Variants in MAGI2 observed in about 807,000 individuals in gnomAD.
MAGI2 encodes the protein membrane associated guanylate kinase, WW and PDZ domain containing 2.
MAGI2 carries 35 observed loss-of-function variants against 133.3 expected under a neutral mutation model. The ratio of observed to expected loss-of-function variants is 0.26; its 90% CI spans 0.20 to 0.35. The LOEUF (loss-of-function observed/expected upper bound fraction) is 0.35. MAGI2 is among the 10% of genes least tolerant of loss of function. The pLI, the probability that MAGI2 is intolerant of heterozygous loss-of-function variation, is 1.00. For missense variants in MAGI2, 1,636 were observed against 1,863.4 expected, an observed-to-expected ratio of 0.88 and a Z score of 2.25; for synonymous variants, 729 against 710.6, an observed-to-expected ratio of 1.03 and a Z score of -0.41.
At chr7:79,194,048 C>T (rs1010724602) in intron 1 of MAGI2, among the ~76,000 whole-genome samples, 26 of 151,904 alleles carry the variant, frequency 1.7e-4, no homozygotes, top group African/African-American at 6.1e-4. Context: ...AAGGTCATTT[C>T]TTAACTAGTA....
chr7:78,954,467 T>C (rs959919432), intron 2 of MAGI2, among the ~76,000 whole-genome samples: 1 of 152,106 alleles, frequency 6.6e-6, no homozygotes, highest in African/African-American at 2.4e-5. Flanking sequence ...ACAAGGTAAG[T>C]CATACACTAA....
At chr7:78,484,077 A>C (rs896284138) in intron 6 of MAGI2, 2 of 151,950 alleles carry the variant, frequency 1.3e-5, no homozygotes, top group African/African-American at 4.8e-5. Flanking sequence ...AGAAAGGCCA[A>C]AGCTCCTATT....
chr7:78,593,476 G>A (rs1013072068), intron 3 of MAGI2, among the ~76,000 whole-genome samples: 2 of 152,188 alleles, frequency 1.3e-5, no homozygotes, highest in Non-Finnish European at 2.9e-5. Flanking sequence ...GGGTCTGGTG[G>A]CAGTAGTGGA....
intron 2 of MAGI2, among the ~76,000 whole-genome samples, chr7:78,852,530 T>G (rs1793234076): frequency 6.6e-6 from 1 of 152,164 alleles, no homozygotes; most frequent in South Asian, 2.1e-4. Flanking sequence ...AAGAATTTGA[T>G]TCACCTGGAA....
intron 6 of MAGI2, among the ~76,000 whole-genome samples, chr7:78,421,511 A>G (rs1366571685): frequency 1.3e-5 from 2 of 152,206 alleles, no homozygotes; most frequent in African/African-American, 4.8e-5. Context: ...AAAAATAACA[A>G]TGATAGACAA....
At chr7:78,083,656 G>A (rs190486129) in intron 20 of MAGI2, among the ~76,000 whole-genome samples, 1 of 152,312 alleles carries the variant, frequency 6.6e-6, no homozygotes, top group African/African-American at 2.4e-5. Context: ...AAGGCGGAGC[G>A]GGATAACTGC....
chr7:78,218,602 C>G (rs917024986), intron 10 of MAGI2, among the ~76,000 whole-genome samples: 1 of 152,164 alleles, frequency 6.6e-6, no homozygotes, highest in East Asian at 1.9e-4. Context: ...AGTCACTTAA[C>G]AAAGAAGCCT....
At chr7:78,186,829 C>T (rs1333876931) in intron 12 of MAGI2, among the ~76,000 whole-genome samples, 2 of 152,058 alleles carry the variant, frequency 1.3e-5, no homozygotes, top group East Asian at 1.9e-4. Context: ...ATAAATAATA[C>T]ACTCTTTTCT....
chr7:78,444,152 C>T (rs7803973), intron 6 of MAGI2, among the ~76,000 whole-genome samples: 115,169 of 151,980 alleles, frequency 0.76, 44,326 homozygotes, highest in East Asian at 0.89. Context: ...GAACGGGAAC[C>T]TTCAGTAAAC....
intron 20 of MAGI2, among the ~76,000 whole-genome samples, chr7:78,107,357 T>C (rs759356675): frequency 1.3e-5 from 2 of 152,188 alleles, no homozygotes; most frequent in Non-Finnish European, 2.9e-5. Context: ...AGTATAAATA[T>C]AGAATTTTTT....
At chr7:79,201,694 A>G (rs1390916640) in intron 1 of MAGI2, among the ~76,000 whole-genome samples, 1 of 151,870 alleles carries the variant, frequency 6.6e-6, no homozygotes, top group Non-Finnish European at 1.5e-5. Flanking sequence ...TGTGCTCAGA[A>G]AAACTCCCTT....
intron 7 of MAGI2, among the ~76,000 whole-genome samples, chr7:78,363,455 T>C (rs892406660): frequency 3.3e-5 from 5 of 150,306 alleles, no homozygotes; most frequent in Non-Finnish European, 7.4e-5. Flanking sequence ...ATCGCGCCAC[T>C]GCACTCCAGC....
chr7:78,212,394 C>G (rs533769882), intron 10 of MAGI2, among the ~76,000 whole-genome samples: 1 of 152,150 alleles, frequency 6.6e-6, no homozygotes, highest in African/African-American at 2.4e-5. Context: ...AGAGAGGAAA[C>G]GTTCCTGGCT....
At chr7:79,113,984 T>C (rs1819171276) in intron 1 of MAGI2, among the ~76,000 whole-genome samples, 1 of 152,228 alleles carries the variant, frequency 6.6e-6, no homozygotes, top group African/African-American at 2.4e-5. Flanking sequence ...TTTTCTAATG[T>C]GTAATGTTCA....
chr7:79,241,171 G>C (rs895635180), intron 1 of MAGI2, among the ~76,000 whole-genome samples: 1 of 152,156 alleles, frequency 6.6e-6, no homozygotes, highest in Non-Finnish European at 1.5e-5. Flanking sequence ...TGATGATGGA[G>C]TGAACAGGAG....
At chr7:79,210,397 A>T (rs1829408914) in intron 1 of MAGI2, among the ~76,000 whole-genome samples, 1 of 152,064 alleles carries the variant, frequency 6.6e-6, no homozygotes, top group South Asian at 2.1e-4. Flanking sequence ...ATTGATCAGG[A>T]TTCCTATTTT....
intron 4 of MAGI2, among the ~76,000 whole-genome samples, chr7:78,520,314 G>C (rs1796387789): frequency 6.6e-6 from 1 of 152,168 alleles, no homozygotes; most frequent in East Asian, 1.9e-4. Context: ...TAAAAAGTAA[G>C]CTTATGAAGT....
At chr7:78,594,315 G>A (rs1254312340) in intron 3 of MAGI2, among the ~76,000 whole-genome samples, 1 of 152,134 alleles carries the variant, frequency 6.6e-6, no homozygotes, top group East Asian at 1.9e-4. Context: ...AACTATTTCA[G>A]CACTGACTGA....
intron 2 of MAGI2, among the ~76,000 whole-genome samples, chr7:78,846,443 C>T (rs978778324): frequency 6.6e-6 from 1 of 151,860 alleles, no homozygotes; most frequent in Non-Finnish European, 1.5e-5. Context: ...TGTCTTCACG[C>T]TCAGAGTTGC....
Sources: allele counts gnomAD v4.1 joint callset (sites outside exome capture counted in the v4.1 genomes callset), GRCh38; gene constraint gnomAD v4.1.1; transcripts MANE v1.5; gene names NCBI Gene and HGNC (gene_info 2026-07-23, HGNC 2026-07-21).